The following IL16 variants were observed in gnomAD, a reference collection of about 807,000 sequenced individuals.
IL16 encodes pro-interleukin-16.
In IL16, 67 loss-of-function variants were observed where a neutral mutation model predicts 110.1. The observed-to-expected ratio is 0.61, with a 90% CI of 0.50 to 0.75. IL16 has a LOEUF of 0.75. Among genes scored for constraint, IL16 ranks in the 30% least tolerant of loss-of-function variants. IL16 has a pLI of 0.00. For synonymous variants in IL16, 689 were observed against 662.9 expected, an observed-to-expected ratio of 1.04 and a Z score of -0.61; for missense variants, 1,545 against 1,655.0, an observed-to-expected ratio of 0.93 and a Z score of 1.15.
intron 1 of IL16, among the ~76,000 whole-genome samples, chr15:81,186,952 C>A (rs1224362218): frequency 1.3e-5 from 2 of 152,164 alleles, no homozygotes; most frequent in African/African-American, 4.8e-5. Flanking sequence ...AGCCACCATG[C>A]CTGGCTATCC....
intron 10 of IL16, among the ~76,000 whole-genome samples, chr15:81,286,907 T>C (rs190199088): frequency 7.2e-5 from 11 of 152,344 alleles, no homozygotes; most frequent in Admixed American, 7.2e-4. Context: ...TCTTACATGA[T>C]GGCAGACAAG....
rs1898720355 is a variant in IL16 at position 81,273,110 on chromosome 15, TG to T, written c.701del (p.Gly234GlufsTer45). 5.6e-6 allele frequency: 9 copies of T among 1,612,906 alleles called. No individual in the cohort carries two copies. The highest frequency in any genetic ancestry group is 2.7e-5 in the African/African-American group (2 of 74,818). On this transcript the variant is annotated frameshift_variant, in exon 6 of 19. Transcript: ENST00000683961. LOFTEE classifies it high-confidence loss of function. ...CCCAGGGTCTGGGCTTCAGCATCGTTGGGGGAAAAGACAGCATTTATGGCCC... is the reference window on the plus strand; with the variant it reads ...CCCAGGGTCTGGGCTTCAGCATCGTTGGGGAAAAGACAGCATTTATGGCCC... ...QAKGLGFSIVGGKDSIYGPIG... is the reference protein window; with the variant it reads ...QAKGLGFSIVXGKDSIYGPIG...
chr15:81,263,574 T>C (rs1898249009), intron 3 of IL16, among the ~76,000 whole-genome samples: 1 of 152,204 alleles, frequency 6.6e-6, no homozygotes. Flanking sequence ...GAACCCACTC[T>C]GTCCTGACTC....
chr15:81,269,775 C>T lies in IL16; in HGVS notation c.675+127C>T, dbSNP rs1174186865. 1.1e-5 allele frequency: 7 copies of T among 658,126 alleles called. No homozygotes were observed. The Admixed American group carries it at 1.8e-4, about 17-fold the overall frequency. 40.8% of individuals were successfully genotyped at this position (658,126 alleles called of 1,614,324 possible). A position where few individuals can be genotyped will look rare whatever the true frequency, so the allele number is the denominator to read the frequency against. On this transcript the variant is annotated intron_variant, in intron 5 of 18. Coordinates refer to ENST00000683961, the MANE Select transcript of IL16 (RefSeq NM_172217.5). Reference sequence around the variant, plus strand: ...CCTGGCGCATCAGAAGAGACAAACACAAGAGTGGCTAGTCTTAAAACTCAC... The same window carrying T: ...CCTGGCGCATCAGAAGAGACAAACATAAGAGTGGCTAGTCTTAAAACTCAC...
At chr15:81,232,042 G>GTTTTTTTGTTTTTTTTTTT (rs1897008513) in intron 2 of IL16, among the ~76,000 whole-genome samples, 2 of 57,692 alleles carry the variant, frequency 3.5e-5, no homozygotes, top group African/African-American at 6.4e-5. Context: ...ATTTGTTCTT[G>GTTTTTTTGTTTTTTTTTTT]TTTTTTTTTT....
intron 1 of IL16, among the ~76,000 whole-genome samples, chr15:81,212,519 T>G (rs1459314646): frequency 6.6e-6 from 1 of 152,170 alleles, no homozygotes; most frequent in South Asian, 2.1e-4. Flanking sequence ...TTGCCCAGGC[T>G]GGAGTGCAGT....
chr15:81,231,523 C>G (rs999288973), intron 2 of IL16, among the ~76,000 whole-genome samples: 1 of 152,312 alleles, frequency 6.6e-6, no homozygotes, highest in African/African-American at 2.4e-5. Flanking sequence ...CAGGCACATG[C>G]CACCATGCCT....
In IL16 at chr15:81,259,865, C is replaced by A. The variant is rs752850949; in HGVS notation, c.406C>A (p.Arg136Ser). 6.2e-7 allele frequency: 1 copy of A among 1,607,704 alleles called. No individual in the cohort carries two copies. The highest frequency in any genetic ancestry group is 8.5e-7 in the Non-Finnish European group (1 of 1,174,204). Residue 136 changes from arginine (R) to serine (S), a missense_variant, in exon 3 of 19, where the codon CGC (arginine) becomes AGC (serine). By Grantham distance (110) the Arg-to-Ser change is moderately radical. Transcript: ENST00000683961. ...LFPKACHQRARSNSTSVNPYC... is the reference protein window; with the variant it reads ...LFPKACHQRASSNSTSVNPYC... Reference sequence around the variant, plus strand: ...TCCTAAAGCCTGCCACCAAAGGGCACGCAGCAACTCAACCAGTAAGTGTCT... The same window carrying A: ...TCCTAAAGCCTGCCACCAAAGGGCAAGCAGCAACTCAACCAGTAAGTGTCT...
chr15:81,231,364 CTCTCT>C (rs1896975386), intron 2 of IL16, among the ~76,000 whole-genome samples: 1 of 146,794 alleles, frequency 6.8e-6, no homozygotes, highest in African/African-American at 2.5e-5. Flanking sequence ...CTCTCTCTCT[CTCTCT>C]CTCTCTCTCT....
At chr15:81,305,755 TGTGCCAGCAGCTCC>T in intron 16 of IL16, 139 bp from the exon 17 acceptor site, 1 of 864,076 alleles carries the variant, frequency 1.2e-6, no homozygotes, top group Non-Finnish European at 1.8e-6. Flanking sequence ...TGCTGGCCTC[TGTGCCAGCAGCTCC>T]AATCTAGGAC....
intron 12 of IL16, 106 bp downstream of exon 12, chr15:81,293,143 C>G (rs1363270239): frequency 9.0e-6 from 11 of 1,221,208 alleles, no homozygotes; most frequent in Non-Finnish European, 1.2e-5. Context: ...GAAAGTTTCT[C>G]CTGCTCCACC....
At chr15:81,281,661 A>G (rs1297796472) in intron 8 of IL16, among the ~76,000 whole-genome samples, 1 of 152,228 alleles carries the variant, frequency 6.6e-6, no homozygotes, top group Non-Finnish European at 1.5e-5. Flanking sequence ...TCTTACCCTC[A>G]TAATCCTGGG....
At chr15:81,294,796 G>A (rs528873078) in intron 12 of IL16, among the ~76,000 whole-genome samples, 28 of 152,206 alleles carry the variant, frequency 1.8e-4, no homozygotes, top group African/African-American at 6.5e-4. Context: ...ATCATAGCAC[G>A]CAATAGAAAA....
chr15:81,239,447 G>A (rs930218925), intron 2 of IL16, among the ~76,000 whole-genome samples: 1 of 152,166 alleles, frequency 6.6e-6, no homozygotes, highest in Non-Finnish European at 1.5e-5. Flanking sequence ...GGGCTGCCTG[G>A]TACCACTGGG....
chr15:81,196,286 C>T (rs2141934632), upstream of IL16, among the ~76,000 whole-genome samples: 1 of 152,332 alleles, frequency 6.6e-6, no homozygotes, highest in South Asian at 2.1e-4. Flanking sequence ...TGGGGAAATT[C>T]CACGGCACGT....
chr15:81,207,843 GT>G (rs59889952), intron 1 of IL16, among the ~76,000 whole-genome samples: 43,557 of 143,180 alleles, frequency 0.3, 9,605 homozygotes, highest in African/African-American at 0.61. Context: ...GTGCATGTGG[GT>G]TTTTTTTTTT....
chr15:81,265,229 C>T (rs1042581078), intron 3 of IL16, among the ~76,000 whole-genome samples: 3 of 152,186 alleles, frequency 2.0e-5, no homozygotes, highest in African/African-American at 7.2e-5. Flanking sequence ...ATCTCCCCTG[C>T]CCCTGTTCCT....
Position 81,299,786 on chromosome 15 carries a change from T to G in IL16, c.2460T>G (p.Pro820=). Residue 820 remains proline (P), a synonymous_variant, in exon 14 of 19, where the codon CCT becomes CCG. Transcript: ENST00000683961. ...CTGCCTTGTCCACCCAGCCAGCACC[T>G]GCTTCCAGGGAGCACCTAGGATCAC... The part of the protein sequence containing the change: ...PDPALSTQPA[P]ASREHLGSHI... 1 of 1,614,122 alleles carries G rather than the reference T, an allele frequency of 6.2e-7. No homozygotes were observed. The highest frequency in any genetic ancestry group is 1.3e-5 in the African/African-American group (1 of 75,048).
In IL16 at chr15:81,299,782, C is replaced by T; in HGVS notation, c.2456C>T (p.Ala819Val). The T allele has an allele frequency of 6.2e-7, 1 of 1,614,138 alleles. No homozygotes were observed. The highest frequency in any genetic ancestry group is 8.5e-7 in the Non-Finnish European group (1 of 1,180,016). The change falls in exon 14 of 19, where the codon GCA becomes GTA. Residue 819 changes from alanine to valine, a missense_variant. Physicochemically the swap from Ala to Val is moderately conservative, Grantham distance 64. Transcript: ENST00000683961. Reference sequence around the variant, plus strand: ...GATCCTGCCTTGTCCACCCAGCCAGCACCTGCTTCCAGGGAGCACCTAGGA... The same window carrying T: ...GATCCTGCCTTGTCCACCCAGCCAGTACCTGCTTCCAGGGAGCACCTAGGA... The part of the protein sequence containing the change: ...LPDPALSTQP[A>V]PASREHLGSH...
Sources: allele counts gnomAD v4.1 joint callset (sites outside exome capture counted in the v4.1 genomes callset), GRCh38; gene constraint gnomAD v4.1.1; transcripts MANE v1.5; gene names NCBI Gene and HGNC (gene_info 2026-07-23, HGNC 2026-07-21).